The following UBTD1 variants were observed in gnomAD, a reference collection of about 807,000 sequenced individuals.
UBTD1 encodes the protein ubiquitin domain-containing protein 1.
Under a neutral mutation model 21.7 loss-of-function variants are expected in UBTD1, and 19 were observed. The ratio of observed to expected loss-of-function variants is 0.87; its 90% confidence interval spans 0.61 to 1.28. UBTD1 has a LOEUF of 1.28. UBTD1 is among the 50% of genes most tolerant of loss of function. The pLI, the probability that UBTD1 is intolerant of heterozygous loss-of-function variation, is 0.00. For synonymous variants in UBTD1, 116 were observed against 135.1 expected, an observed-to-expected ratio of 0.86 and a Z score of 0.98; for missense variants, 282 against 315.1, an observed-to-expected ratio of 0.89 and a Z score of 0.80.
intron 1 of UBTD1, among the ~76,000 whole-genome samples, chr10:97,553,642 C>T (rs1437226522): frequency 2.6e-5 from 4 of 152,130 alleles, no homozygotes; most frequent in Non-Finnish European, 4.4e-5. Context: ...GCGTTTGACC[C>T]ACTGATGAAG....
At chr10:97,560,894 A>G in intron 1 of UBTD1, among the ~76,000 whole-genome samples, 1 of 150,884 alleles carries the variant, frequency 6.6e-6, no homozygotes, top group Non-Finnish European at 1.5e-5. Flanking sequence ...ACCAAACCAA[A>G]ATCAGAGTAT....
rs760101301 is a variant in UBTD1 at position 97,567,986 on chromosome 10, G to A, written c.143G>A (p.Arg48Gln). Reference sequence around the variant, plus strand: ...TACCCCATGACTGACGGGCAGCTGCGGAGCAAACGGGATGAGTTCTGGGAC... The same window carrying A: ...TACCCCATGACTGACGGGCAGCTGCAGAGCAAACGGGATGAGTTCTGGGAC... ...SDYPMTDGQLRSKRDEFWDTA... is the reference protein window; with the variant it reads ...SDYPMTDGQLQSKRDEFWDTA... Residue 48 changes from arginine (R) to glutamine (Q), a missense_variant, in exon 2 of 3, where the codon CGG becomes CAG. Arg to Gln is a conservative substitution (Grantham distance 43). Coordinates refer to ENST00000370664, the MANE Select transcript of UBTD1 (RefSeq NM_024954.5). The A allele has an allele frequency of 1.3e-5, 21 of 1,614,046 alleles. No individual in the cohort carries two copies. Among genetic ancestry groups the A allele is most frequent in the Admixed American group, 1.2e-4 (7 of 60,006 alleles).
At chr10:97,514,217 G>A (rs934014615) in intron 1 of UBTD1, among the ~76,000 whole-genome samples, 3 of 152,008 alleles carry the variant, frequency 2.0e-5, no homozygotes, top group Admixed American at 6.5e-5. Context: ...ACGAAGCACT[G>A]GCTTTACCAC....
At chr10:97,546,441 T>G (rs935338170) in intron 1 of UBTD1, among the ~76,000 whole-genome samples, 3 of 151,708 alleles carry the variant, frequency 2.0e-5, no homozygotes, top group Non-Finnish European at 2.9e-5. Flanking sequence ...ATCAAAAAAA[T>G]TAGCCGAATG....
chr10:97,558,015 G>A (rs1015541517), intron 1 of UBTD1, among the ~76,000 whole-genome samples: 3 of 152,178 alleles, frequency 2.0e-5, no homozygotes, highest in African/African-American at 7.2e-5. Flanking sequence ...GTCCTGTGAT[G>A]AGTTTCCTCA....
intron 1 of UBTD1, among the ~76,000 whole-genome samples, chr10:97,515,007 CTG>C (rs1281297802): frequency 6.6e-6 from 1 of 152,228 alleles, no homozygotes; most frequent in African/African-American, 2.4e-5. Flanking sequence ...GTTGCAAGCT[CTG>C]TGACCTTTGG....
At chr10:97,545,243 A>G (rs2040603464) in intron 1 of UBTD1, among the ~76,000 whole-genome samples, 1 of 150,908 alleles carries the variant, frequency 6.6e-6, no homozygotes, top group Non-Finnish European at 1.5e-5. Context: ...CAGGAGGCTG[A>G]GGCAGGAGAA....
intron 1 of UBTD1, among the ~76,000 whole-genome samples, chr10:97,523,950 C>T (rs1459778621): frequency 2.0e-5 from 3 of 152,106 alleles, no homozygotes; most frequent in Non-Finnish European, 4.4e-5. Context: ...CCGTGACAGC[C>T]AGCAGGATGA....
chr10:97,539,012 C>T (rs1239868017), intron 1 of UBTD1, among the ~76,000 whole-genome samples: 1 of 152,214 alleles, frequency 6.6e-6, no homozygotes, highest in African/African-American at 2.4e-5. Flanking sequence ...GCATTAGGGC[C>T]ATGCCTGGCA....
rs1189237100 is a variant in UBTD1 at position 97,570,027 on chromosome 10, A to G, written c.299-111A>G. ...TTCTGTATAGGCCCCATGTCCAAAT[A>G]CAGTCACATTGGGGGTTAGAGTTTC... On this transcript the variant is annotated intron_variant, in intron 2 of 2. Coordinates refer to ENST00000370664, the MANE Select transcript of UBTD1 (RefSeq NM_024954.5). This position sits in a 1 kb window ranked among gnomAD's most constrained non-coding sequence, Gnocchi z 6.6. 2.8e-6 allele frequency: 4 copies of G among 1,434,582 alleles called. No homozygotes were observed. Among genetic ancestry groups the G allele is most frequent in the Non-Finnish European group, 3.7e-6 (4 of 1,068,484 alleles). 88.9% of individuals were successfully genotyped at this position (1,434,582 alleles called of 1,614,324 possible).
chr10:97,503,979 C>G (rs930501338), intron 1 of UBTD1, among the ~76,000 whole-genome samples: 18 of 152,078 alleles, frequency 1.2e-4, no homozygotes, highest in African/African-American at 4.3e-4. Context: ...ACAGAATGAA[C>G]CCCCATCCCA....
chr10:97,570,843 G>A lies in UBTD1; in HGVS notation c.*320G>A. ...GAGCCCAGATCTGTCATCTGGTGCTGCCAGCTGTGCTCACTCTGGTTTTCT... is the reference window on the plus strand; with the variant it reads ...GAGCCCAGATCTGTCATCTGGTGCTACCAGCTGTGCTCACTCTGGTTTTCT... On this transcript the variant is annotated 3_prime_UTR_variant, in exon 3 of 3. Transcript: ENST00000370664. This position sits in a 1 kb window ranked among gnomAD's most constrained non-coding sequence, Gnocchi z 6.6. 3.1e-6 allele frequency: 1 copy of A among 323,616 alleles called. No homozygotes were observed. Among genetic ancestry groups the A allele is most frequent in the Non-Finnish European group, 5.8e-6 (1 of 171,454 alleles). 20.0% of individuals were successfully genotyped at this position (323,616 alleles called of 1,614,324 possible). A position where few individuals can be genotyped will look rare whatever the true frequency, so the allele number is the denominator to read the frequency against.
chr10:97,515,424 G>A (rs979589682), intron 1 of UBTD1, among the ~76,000 whole-genome samples: 14 of 152,182 alleles, frequency 9.2e-5, no homozygotes, highest in African/African-American at 3.4e-4. Flanking sequence ...TATTCCTGGA[G>A]AAGCAGAGAA....
intron 1 of UBTD1, among the ~76,000 whole-genome samples, chr10:97,530,500 A>G (rs1035265860): frequency 6.6e-6 from 1 of 152,234 alleles, no homozygotes; most frequent in Non-Finnish European, 1.5e-5. Flanking sequence ...ATAAATATTT[A>G]TTAGATGATT....
At chr10:97,559,998 T>G (rs145268008) in intron 1 of UBTD1, among the ~76,000 whole-genome samples, 10 of 152,326 alleles carry the variant, frequency 6.6e-5, no homozygotes, top group Admixed American at 3.3e-4. Context: ...TTTTTTTTAA[T>G]AGTCTTCAGG....
At chr10:97,506,121 AAAG>A (rs1331764779) in intron 1 of UBTD1, among the ~76,000 whole-genome samples, 1 of 152,174 alleles carries the variant, frequency 6.6e-6, no homozygotes, top group Non-Finnish European at 1.5e-5. Context: ...GTTACCTCCC[AAAG>A]AAGAGACCTG....
intron 1 of UBTD1, among the ~76,000 whole-genome samples, chr10:97,507,133 A>G (rs1437383411): frequency 6.6e-6 from 1 of 152,200 alleles, no homozygotes; most frequent in African/African-American, 2.4e-5. Context: ...ACCATTTTAT[A>G]TTCTCACCAA....
intron 1 of UBTD1, among the ~76,000 whole-genome samples, chr10:97,523,510 C>A (rs779849979): frequency 1.3e-5 from 2 of 152,104 alleles, no homozygotes; most frequent in Non-Finnish European, 2.9e-5. Context: ...GAGCCCAACT[C>A]CTCCTGGTCT....
chr10:97,557,607 A>T (rs986848462), intron 1 of UBTD1, among the ~76,000 whole-genome samples: 1 of 152,080 alleles, frequency 6.6e-6, no homozygotes, highest in Non-Finnish European at 1.5e-5. Context: ...ATCCTATTCT[A>T]TGCTGCTTAC....
Sources: gnomAD v4.1 joint callset for allele counts (sites outside exome capture counted in the v4.1 genomes callset) on GRCh38, gnomAD v4.1.1 for gene constraint, Gnocchi (gnomAD v3.1) non-coding constraint, MANE v1.5 for transcripts, NCBI Gene and HGNC (gene_info 2026-07-23, HGNC 2026-07-21) for gene names.